ME3: variants seen among roughly 807,000 people sequenced by gnomAD.
The protein encoded by ME3 is NADP-dependent malic enzyme, mitochondrial.
A neutral mutation model predicts 68.9 loss-of-function variants in ME3; 48 were observed. The observed-to-expected ratio is 0.70, with a 90% CI of 0.55 to 0.89. The LOEUF (loss-of-function observed/expected upper bound fraction) is 0.89. ME3 is among the 40% of genes least tolerant of loss of function. The pLI is 0.00. For missense variants in ME3, 675 were observed against 797.4 expected (o/e 0.85, Z 1.85); for synonymous variants, 320 against 318.8 (o/e 1.00, Z -0.04).
chr11:86,568,520 C>A (rs143112066), intron 2 of ME3, among the ~76,000 whole-genome samples: 17 of 152,346 alleles, frequency 1.1e-4, no homozygotes, highest in Non-Finnish European at 2.2e-4. Context: ...AGCTACTGAA[C>A]TCTATTTACC....
chr11:86,573,804 C>T (rs1957937531), intron 2 of ME3, among the ~76,000 whole-genome samples: 1 of 152,116 alleles, frequency 6.6e-6, no homozygotes, highest in African/African-American at 2.4e-5. Flanking sequence ...AGATATGTTC[C>T]ATCAATACCT....
chr11:86,500,352 G>A (rs996848476), intron 5 of ME3, among the ~76,000 whole-genome samples: 2 of 152,216 alleles, frequency 1.3e-5, no homozygotes, highest in African/African-American at 4.8e-5. Context: ...CTCCCAGCCT[G>A]GACATGCCCC....
intron 5 of ME3, among the ~76,000 whole-genome samples, chr11:86,505,253 TA>T (rs1291465588): frequency 6.9e-6 from 1 of 144,932 alleles, no homozygotes; most frequent in East Asian, 2.0e-4. Flanking sequence ...AAAGGGCACC[TA>T]GGGGTGGGGG....
At chr11:86,526,955 T>C (rs2139232513) in intron 4 of ME3, among the ~76,000 whole-genome samples, 1 of 152,164 alleles carries the variant, frequency 6.6e-6, no homozygotes, top group South Asian at 2.1e-4. Flanking sequence ...AAAATCAGAG[T>C]GCCTCTCCTC....
chr11:86,658,132 A>ATTT (rs11387187), intron 2 of ME3, among the ~76,000 whole-genome samples: 6 of 148,524 alleles, frequency 4.0e-5, no homozygotes, highest in East Asian at 2.0e-4. Context: ...CTTCTTCACA[A>ATTT]TTTTTTTTTT....
In ME3 at chr11:86,665,647, T is replaced by C. The variant is rs573911563; in HGVS notation, c.183+6115A>G. On this transcript the variant is annotated intron_variant, in intron 2 of 14. Transcript: ENST00000543262. ...TAAAAAAAAATCACCCTGGCCATTGTGTTGAGAATAAATGAGAGGCGCTAA... is the reference window on the plus strand; with the variant it reads ...TAAAAAAAAATCACCCTGGCCATTGCGTTGAGAATAAATGAGAGGCGCTAA... Among the ~76,000 whole-genome samples the C allele has an allele frequency of 3.3e-5, 5 of 152,156 alleles. No individual in the cohort carries two copies. The East Asian group carries it at 9.7e-4, about 29-fold the overall frequency.
chr11:86,642,191 A>T (rs898475322), intron 2 of ME3, among the ~76,000 whole-genome samples: 1 of 152,362 alleles, frequency 6.6e-6, no homozygotes, highest in South Asian at 2.1e-4. Flanking sequence ...TCATCTAGAA[A>T]ACATACTTTC....
chr11:86,625,098 C>G (rs1943576817), intron 2 of ME3, among the ~76,000 whole-genome samples: 1 of 152,074 alleles, frequency 6.6e-6, no homozygotes, highest in African/African-American at 2.4e-5. Flanking sequence ...AAATATTTTT[C>G]TTTAGTATTC....
chr11:86,665,663 G>C (rs1946545135), intron 2 of ME3, among the ~76,000 whole-genome samples: 1 of 152,166 alleles, frequency 6.6e-6, no homozygotes, highest in South Asian at 2.1e-4. Context: ...GAATAAATGA[G>C]AGGCGCTAAA....
intron 8 of ME3, among the ~76,000 whole-genome samples, chr11:86,462,155 A>T (rs1216457757): frequency 3.3e-5 from 5 of 152,236 alleles, no homozygotes; most frequent in Non-Finnish European, 7.3e-5. Flanking sequence ...CAATCCTTGA[A>T]CAACATGGGG....
At chr11:86,447,247 A>G in intron 11 of ME3, 40 bp from the exon 12 acceptor site, 1 of 1,604,162 alleles carries the variant, frequency 6.2e-7, no homozygotes, top group Non-Finnish European at 8.5e-7. Flanking sequence ...CCTGCTCTCT[A>G]TAAACAACCC....
rs947513798 is a variant in ME3 at position 86,671,936 on chromosome 11, G to T, written c.9C>A (p.Ala3=). ...CCAGCCGCGTGCCTGTCCCCAGCGC[G>T]GCACCCATGGTCCTTGGCAGACCTG... Residue 3 remains alanine, a synonymous_variant, in exon 2 of 15, where the codon GCC becomes GCA. Transcript: ENST00000543262. The T allele has an allele frequency of 2.8e-6, 4 of 1,430,104 alleles. No individual in the cohort carries two copies. The Admixed American group carries it at 1.0e-4, about 36-fold the overall frequency. The allele number at this position is 1,430,104 out of a possible 1,614,324, so 88.6% of individuals were successfully genotyped here.
intron 4 of ME3, among the ~76,000 whole-genome samples, chr11:86,530,542 A>T (rs1167814070): frequency 1.6e-4 from 25 of 152,186 alleles, no homozygotes; most frequent in Non-Finnish European, 3.1e-4. Flanking sequence ...CATTGCCAAG[A>T]CAATCCTAAG....
intron 2 of ME3, among the ~76,000 whole-genome samples, chr11:86,656,855 A>AC (rs1945918783): frequency 8.8e-6 from 1 of 113,128 alleles, no homozygotes; most frequent in Admixed American, 8.6e-5. Flanking sequence ...TGATAAACAT[A>AC]TGAAAAAAAA....
chr11:86,488,942 G>T (rs757915382), intron 6 of ME3, among the ~76,000 whole-genome samples: 60 of 152,128 alleles, frequency 3.9e-4, no homozygotes, highest in Non-Finnish European at 1.0e-4. Flanking sequence ...TGGAGAAAAT[G>T]GTCAGGTAGG....
intron 2 of ME3, among the ~76,000 whole-genome samples, chr11:86,604,846 G>T (rs1031073804): frequency 9.2e-5 from 14 of 152,196 alleles, no homozygotes; most frequent in African/African-American, 3.4e-4. Flanking sequence ...TTAATCCATT[G>T]TATCTTATAT....
chr11:86,498,237 G>T, intron 5 of ME3, 113 bp from the exon 6 acceptor site: 1 of 1,273,838 alleles, frequency 7.9e-7, no homozygotes. Context: ...TGACTTTGCC[G>T]GTGTGAAAGA....
chr11:86,465,297 G>T, intron 7 of ME3, 97 bp from the exon 8 acceptor site: 1 of 880,906 alleles, frequency 1.1e-6, no homozygotes, highest in Non-Finnish European at 1.9e-6. Flanking sequence ...GTGCAGGCCT[G>T]GGGGTGGGAG....
rs148901083 is a variant in ME3 at position 86,449,919 on chromosome 11, C to T, written c.1101G>A (p.Trp367Ter). 4 of 1,613,946 alleles carry T rather than the reference C, an allele frequency of 2.5e-6. No homozygotes were observed. The highest frequency in any genetic ancestry group is 2.7e-5 in the African/African-American group (2 of 74,926). The change falls in exon 10 of 15, where the codon TGG becomes TGA. Residue 367 changes from tryptophan (W) to a stop codon, truncating the protein, a stop_gained. Coordinates refer to ENST00000543262, the Ensembl canonical transcript of ME3. LOFTEE classifies it high-confidence loss of function. Reference sequence around the variant, plus strand: ...CAATGAGCCCTTTAGAGTCCACCATCCAGATCTTTCTTGTGGCCTCTGCCT... The same window carrying T: ...CAATGAGCCCTTTAGAGTCCACCATTCAGATCTTTCTTGTGGCCTCTGCCT...
Sources: gnomAD v4.1 joint callset for allele counts (sites outside exome capture counted in the v4.1 genomes callset) on GRCh38, gnomAD v4.1.1 for gene constraint, MANE v1.5 for transcripts, NCBI Gene and HGNC (gene_info 2026-07-23, HGNC 2026-07-21) for gene names.